PTER: variants seen among roughly 807,000 people sequenced by gnomAD.
PTER encodes phosphotriesterase related, also known as N-acetyltaurine hydrolase.
Under a neutral mutation model 29.6 loss-of-function variants are expected in PTER, and 38 were observed. The observed-to-expected ratio is 1.28, with a 90% CI of 0.99 to 1.68. The LOEUF (loss-of-function observed/expected upper bound fraction) is 1.68, where lower values mean the gene tolerates loss of function less well. Among genes scored for constraint, PTER ranks in the 40% most tolerant of loss-of-function variants. The probability of loss-of-function intolerance (pLI) is 0.00; values close to 1 mark genes in which losing one functional copy is unlikely to be tolerated. For missense variants in PTER, 482 were observed against 427.8 expected (o/e 1.13, Z -1.12); for synonymous variants, 172 against 154.5 (o/e 1.11, Z -0.84).
At chr10:16,505,614 C>T (rs918668312) in intron 4 of PTER, among the ~76,000 whole-genome samples, 2 of 152,164 alleles carry the variant, frequency 1.3e-5, no homozygotes, top group African/African-American at 4.8e-5. Context: ...AGTATAAGGT[C>T]TAAAGACTAA....
intron 3 of PTER, among the ~76,000 whole-genome samples, chr10:16,489,716 T>TA (rs1835829846): frequency 6.6e-6 from 1 of 151,976 alleles, no homozygotes; most frequent in African/African-American, 2.4e-5. Context: ...TTGAGTGTAT[T>TA]CACTCCCCAT....
At position 16,512,962 on chromosome 10, in the gene PTER, T is replaced by C. The variant is rs1836868906; in HGVS notation, c.*1706T>C. Reference sequence around the variant, plus strand: ...ACCAGAAAGAAAGGATTTGTATTACTCTCCAAATCTACTGTACTGTCAGCT... The same window carrying C: ...ACCAGAAAGAAAGGATTTGTATTACCCTCCAAATCTACTGTACTGTCAGCT... On this transcript the variant is annotated 3_prime_UTR_variant, in exon 5 of 5. Coordinates refer to ENST00000535784, the MANE Select transcript of PTER (RefSeq NM_001261836.2). 1 of 152,362 alleles carries C rather than the reference T, an allele frequency of 6.6e-6. No individual in the cohort carries two copies. Among genetic ancestry groups the C allele is most frequent in the Non-Finnish European group, 1.5e-5 (1 of 67,944 alleles). The allele number at this position is 152,362 out of a possible 1,614,324, so 9.4% of individuals were successfully genotyped here.
At chr10:16,439,996 T>G (rs922684118) in intron 1 of PTER, among the ~76,000 whole-genome samples, 4 of 152,090 alleles carry the variant, frequency 2.6e-5, no homozygotes, top group African/African-American at 7.2e-5. Context: ...ATACATCAAA[T>G]GTGGCTTTGT....
chr10:16,493,435 T>G (rs1835977891), intron 3 of PTER, among the ~76,000 whole-genome samples: 1 of 151,252 alleles, frequency 6.6e-6, no homozygotes, highest in South Asian at 2.1e-4. Flanking sequence ...AATTTTTTTT[T>G]TAAATTTTTA....
intron 3 of PTER, among the ~76,000 whole-genome samples, chr10:16,493,757 G>T (rs1835991141): frequency 6.6e-6 from 1 of 151,864 alleles, no homozygotes; most frequent in Admixed American, 6.6e-5. Context: ...AAGGAAAAAA[G>T]GAAACAGAAA....
At chr10:16,509,131 G>A (rs577820306) in intron 4 of PTER, among the ~76,000 whole-genome samples, 15 of 152,052 alleles carry the variant, frequency 9.9e-5, no homozygotes, top group South Asian at 6.2e-4. Context: ...TTGTCTTCTC[G>A]TCTGTAGTGG....
chr10:16,477,397 G>T (rs1835318626), intron 1 of PTER, among the ~76,000 whole-genome samples: 1 of 151,674 alleles, frequency 6.6e-6, no homozygotes, highest in East Asian at 1.9e-4. Context: ...GGCTAGTATT[G>T]AACTCCTGAC....
chr10:16,469,081 G>A (rs1419973455), intron 1 of PTER, among the ~76,000 whole-genome samples: 6 of 152,128 alleles, frequency 3.9e-5, no homozygotes, highest in Non-Finnish European at 8.8e-5. Flanking sequence ...TATTGCTTGA[G>A]CAACAAGGAG....
intron 1 of PTER, among the ~76,000 whole-genome samples, chr10:16,448,513 T>TA (rs1482581613): frequency 6.6e-6 from 1 of 152,194 alleles, no homozygotes; most frequent in Non-Finnish European, 1.5e-5. Flanking sequence ...TCCTTCATCT[T>TA]AAAAGGAATA....
At chr10:16,466,138 A>G (rs1242214398) in intron 1 of PTER, among the ~76,000 whole-genome samples, 1 of 152,150 alleles carries the variant, frequency 6.6e-6, no homozygotes, top group East Asian at 1.9e-4. Context: ...AACAAAATCT[A>G]GTTACAAGTA....
rs1407554433 is a variant in PTER, at chr10:16,486,601, A to G, written c.682A>G (p.Met228Val). 5 of 1,612,862 alleles carry G rather than the reference A, an allele frequency of 3.1e-6. No individual in the cohort carries two copies. In the South Asian group the frequency reaches 3.3e-5, roughly 11 times the overall value. Reference sequence around the variant, plus strand: ...AGGCGCAGACATCTCCAAAACAGTCATGTCACACCTGGATAGGTAAGTAGG... The same window carrying G: ...AGGCGCAGACATCTCCAAAACAGTCGTGTCACACCTGGATAGGTAAGTAGG... ...EAGADISKTV[M>V]SHLDRTILDK... is the part of the protein sequence containing the mutation. The change falls in exon 3 of 5, where the codon ATG (methionine) becomes GTG (valine). Residue 228 changes from methionine (M) to valine (V), a missense_variant. Physicochemically the swap from Met to Val is conservative, Grantham distance 21. Transcript: ENST00000535784.
At chr10:16,464,185 T>C (rs544946958) in intron 1 of PTER, among the ~76,000 whole-genome samples, 2 of 152,316 alleles carry the variant, frequency 1.3e-5, no homozygotes, top group South Asian at 2.1e-4. Flanking sequence ...GCTGAGGGTT[T>C]AATATAGTCA....
At chr10:16,508,070 C>CTTTTTTTT (rs56800279) in intron 4 of PTER, among the ~76,000 whole-genome samples, 7 of 127,876 alleles carry the variant, frequency 5.5e-5, no homozygotes, top group African/African-American at 1.2e-4. Context: ...TTTTCTTTTT[C>CTTTTTTTT]TTTTTTTTTT....
At chr10:16,491,839 T>C (rs1835909833) in intron 3 of PTER, among the ~76,000 whole-genome samples, 1 of 152,068 alleles carries the variant, frequency 6.6e-6, no homozygotes, top group Non-Finnish European at 1.5e-5. Context: ...CATTTCAGTA[T>C]ACAAAAATAA....
At chr10:16,517,231 AC>A (rs1401192430), downstream of PTER, among the ~76,000 whole-genome samples, 11 of 152,338 alleles carry the variant, frequency 7.2e-5, no homozygotes, top group East Asian at 1.9e-3. Flanking sequence ...TTACAAGATA[AC>A]TATTTAGATT....
intron 1 of PTER, among the ~76,000 whole-genome samples, chr10:16,455,575 C>T (rs894214936): frequency 6.6e-6 from 1 of 152,072 alleles, no homozygotes; most frequent in Non-Finnish European, 1.5e-5. Flanking sequence ...TCTGTGGTCC[C>T]AGCTACTCAG....
At chr10:16,438,097 C>T (rs2133347519) in intron 1 of PTER, among the ~76,000 whole-genome samples, 1 of 152,242 alleles carries the variant, frequency 6.6e-6, no homozygotes, top group African/African-American at 2.4e-5. Flanking sequence ...CCTCCGCCTC[C>T]CGGGATCAAG....
intron 1 of PTER, among the ~76,000 whole-genome samples, chr10:16,448,114 G>A (rs1834080115): frequency 6.6e-6 from 1 of 152,186 alleles, no homozygotes; most frequent in African/African-American, 2.4e-5. Flanking sequence ...AACTGGCCAA[G>A]AGCTGTCTCT....
chr10:16,466,035 G>C (rs915868849), intron 1 of PTER, among the ~76,000 whole-genome samples: 1 of 152,178 alleles, frequency 6.6e-6, no homozygotes, highest in Non-Finnish European at 1.5e-5. Flanking sequence ...TTTGAGATGA[G>C]ATTTGGGTGG....
Sources: allele counts gnomAD v4.1 joint callset (sites outside exome capture counted in the v4.1 genomes callset), GRCh38; gene constraint gnomAD v4.1.1; transcripts MANE v1.5; gene names NCBI Gene and HGNC (gene_info 2026-07-23, HGNC 2026-07-21).